DCLK2: variants seen among roughly 807,000 people sequenced by gnomAD.
DCLK2 encodes the protein doublecortin like kinase 2.
A neutral mutation model predicts 78.4 loss-of-function variants in DCLK2; 31 were observed. That is an observed-to-expected ratio of 0.40 (90% CI 0.30 to 0.53). The LOEUF (loss-of-function observed/expected upper bound fraction) is 0.53, where lower values mean the gene tolerates loss of function less well. DCLK2 is among the 20% of genes least tolerant of loss of function. The pLI, the probability that DCLK2 is intolerant of heterozygous loss-of-function variation, is 0.61. For missense variants in DCLK2, 872 were observed against 973.7 expected, an observed-to-expected ratio of 0.90 and a Z score of 1.39; for synonymous variants, 407 against 374.9, an observed-to-expected ratio of 1.09 and a Z score of -0.99.
At chr4:150,122,319 C>A (rs568242453) in intron 2 of DCLK2, among the ~76,000 whole-genome samples, 2 of 152,184 alleles carry the variant, frequency 1.3e-5, no homozygotes, top group African/African-American at 2.4e-5. Flanking sequence ...ATGTTTATTG[C>A]AGCACTATTC....
At chr4:150,116,650 A>G (rs1248488573) in intron 2 of DCLK2, among the ~76,000 whole-genome samples, 1 of 152,202 alleles carries the variant, frequency 6.6e-6, no homozygotes, top group Non-Finnish European at 1.5e-5. Context: ...GCGCTGATAG[A>G]GGTGGCAGGG....
chr4:150,126,819 CATAA>C (rs879551157), intron 2 of DCLK2, among the ~76,000 whole-genome samples: 2 of 152,158 alleles, frequency 1.3e-5, no homozygotes, highest in Non-Finnish European at 2.9e-5. Flanking sequence ...CCAGTTGTCT[CATAA>C]ATGTCTTTGT....
chr4:150,100,444 C>A (rs1730808514), intron 1 of DCLK2, among the ~76,000 whole-genome samples: 1 of 152,174 alleles, frequency 6.6e-6, no homozygotes, highest in South Asian at 2.1e-4. Flanking sequence ...TATATGAAAT[C>A]TGCTCTTGTT....
chr4:150,087,940 T>C (rs999212350), intron 1 of DCLK2, among the ~76,000 whole-genome samples: 6 of 152,194 alleles, frequency 3.9e-5, no homozygotes, highest in African/African-American at 7.2e-5. Flanking sequence ...ATTCTAGTTT[T>C]TATGGCTAGC....
At chr4:150,174,810 A>C (rs1021520390) in intron 2 of DCLK2, among the ~76,000 whole-genome samples, 1 of 150,494 alleles carries the variant, frequency 6.6e-6, no homozygotes, top group Non-Finnish European at 1.5e-5. Flanking sequence ...CAGCCTGACC[A>C]ACATGGTGAA....
chr4:150,115,709 T>C (rs1732029314), intron 2 of DCLK2, among the ~76,000 whole-genome samples: 1 of 152,212 alleles, frequency 6.6e-6, no homozygotes, highest in Non-Finnish European at 1.5e-5. Flanking sequence ...GGTTGATTGC[T>C]GTAGGATTGA....
intron 12 of DCLK2, among the ~76,000 whole-genome samples, chr4:150,242,623 C>T (rs548528547): frequency 2.0e-5 from 3 of 152,156 alleles, no homozygotes; most frequent in Non-Finnish European, 4.4e-5. Context: ...AGAGAGATGA[C>T]TTGGCCCTGT....
At position 150,156,645 on chromosome 4, in the gene DCLK2, C is replaced by G. The variant is rs540979166; in HGVS notation, c.757-36493C>G. Among the ~76,000 whole-genome samples, 17 of 151,782 alleles carry G rather than the reference C, an allele frequency of 1.1e-4. No individual in the cohort carries two copies. In the South Asian group the frequency reaches 2.7e-3, roughly 24 times the overall value. On this transcript the variant is annotated intron_variant, in intron 2 of 15. Transcript: ENST00000296550. ...GATCATGCCATTGCACCTGCAGCCT[C>G]GACAATAGACTGAGGCTCTGACACA...
intron 11 of DCLK2, 67 bp from the exon 12 acceptor site, chr4:150,240,332 C>A (rs1742822060): frequency 1.5e-6 from 2 of 1,348,966 alleles, no homozygotes; most frequent in African/African-American, 2.9e-5. Context: ...AAAGGCAATA[C>A]TCCAGTACCA....
intron 10 of DCLK2, 144 bp downstream of exon 10, chr4:150,232,972 G>T: frequency 9.5e-7 from 1 of 1,052,410 alleles, no homozygotes. Flanking sequence ...TTATGTCAAT[G>T]ACCATCAAAT....
intron 8 of DCLK2, among the ~76,000 whole-genome samples, chr4:150,228,581 G>A (rs1382383086): frequency 2.0e-5 from 3 of 152,354 alleles, no homozygotes; most frequent in Admixed American, 6.5e-5. Context: ...TGGGATGAGA[G>A]CTGTGATTCG....
At chr4:150,082,214 G>A (rs1580463065) in intron 1 of DCLK2, among the ~76,000 whole-genome samples, 1 of 152,086 alleles carries the variant, frequency 6.6e-6, no homozygotes, top group East Asian at 1.9e-4. Context: ...GCTTTATTTC[G>A]TTTTGGTTGA....
chr4:150,157,383 C>G (rs1735367427), intron 2 of DCLK2, among the ~76,000 whole-genome samples: 1 of 151,998 alleles, frequency 6.6e-6, no homozygotes, highest in African/African-American at 2.4e-5. Context: ...CAGGCTCAAG[C>G]AATCCTCACA....
chr4:150,194,119 T>A (rs1209307133), intron 3 of DCLK2, among the ~76,000 whole-genome samples: 2 of 151,778 alleles, frequency 1.3e-5, no homozygotes, highest in Admixed American at 1.3e-4. Context: ...GTAAGGATGC[T>A]TTGGTCAATG....
intron 2 of DCLK2, among the ~76,000 whole-genome samples, chr4:150,189,143 A>C (rs1580679508): frequency 6.6e-6 from 1 of 152,148 alleles, no homozygotes; most frequent in Admixed American, 6.5e-5. Flanking sequence ...TGTTTTTTAA[A>C]ATTCAGTTAT....
intron 4 of DCLK2, among the ~76,000 whole-genome samples, chr4:150,203,475 C>G (rs762387496): frequency 1.3e-5 from 2 of 152,152 alleles, no homozygotes; most frequent in African/African-American, 2.4e-5. Context: ...ACAGCCATCT[C>G]TACCTTTGCT....
chr4:150,115,653 G>A (rs550222604), intron 2 of DCLK2, among the ~76,000 whole-genome samples: 1 of 152,224 alleles, frequency 6.6e-6, no homozygotes, highest in East Asian at 1.9e-4. Context: ...TTTGTATGAT[G>A]GCTTTCTCAG....
intron 2 of DCLK2, among the ~76,000 whole-genome samples, chr4:150,169,378 G>T (rs1172059950): frequency 6.6e-6 from 1 of 152,210 alleles, no homozygotes; most frequent in Non-Finnish European, 1.5e-5. Context: ...GGGTTCAGAG[G>T]CCTGGTGCAG....
intron 1 of DCLK2, among the ~76,000 whole-genome samples, chr4:150,090,757 T>C (rs4640652): frequency 0.38 from 57,992 of 152,044 alleles, 11,296 homozygotes; most frequent in Non-Finnish European, 0.42. Context: ...AAGCAGATTT[T>C]GTACCCCCTT....
Sources: allele counts gnomAD v4.1 joint callset (sites outside exome capture counted in the v4.1 genomes callset), GRCh38; gene constraint gnomAD v4.1.1; transcripts MANE v1.5; gene names NCBI Gene and HGNC (gene_info 2026-07-23, HGNC 2026-07-21).